Variants in RGS6 observed in about 807,000 individuals in gnomAD.
RGS6 encodes the protein regulator of G-protein signaling 6.
A neutral mutation model predicts 78.5 loss-of-function variants in RGS6; 30 were observed. That is an observed-to-expected ratio of 0.38 (90% CI 0.29 to 0.52). RGS6 has a LOEUF of 0.52. RGS6 is among the 20% of genes least tolerant of loss of function. The pLI is 0.85. For missense variants in RGS6, 495 were observed against 609.7 expected, an observed-to-expected ratio of 0.81 and a Z score of 1.98; for synonymous variants, 206 against 206.0, an observed-to-expected ratio of 1.00 and a Z score of 0.00.
At chr14:72,395,867 CT>C (rs1461335999) in intron 3 of RGS6, among the ~76,000 whole-genome samples, 2 of 151,976 alleles carry the variant, frequency 1.3e-5, no homozygotes, top group Non-Finnish European at 2.9e-5. Context: ...TGAACTCATC[CT>C]TTTTTATGGC....
At chr14:72,465,669 G>T (rs569350454) in intron 6 of RGS6, 89 bp from the exon 7 acceptor site, 234 of 894,880 alleles carry the variant, frequency 2.6e-4, no homozygotes, top group Non-Finnish European at 3.7e-4. Context: ...TGGGTGAATG[G>T]GTGAATGGAT....
At chr14:72,508,902 C>T (rs1487604986) in intron 13 of RGS6, among the ~76,000 whole-genome samples, 2 of 151,990 alleles carry the variant, frequency 1.3e-5, no homozygotes, top group Admixed American at 6.6e-5. Flanking sequence ...AGGACCTTAT[C>T]ACTGTTTAAA....
the RGS6 span, among the ~76,000 whole-genome samples, chr14:72,589,886 A>G: frequency 6.6e-6 from 1 of 152,118 alleles, no homozygotes; most frequent in Admixed American, 6.5e-5. Flanking sequence ...GGGTTCAAAA[A>G]CACACAAAGG....
chr14:72,071,748 C>T (rs1444025986), intron 2 of RGS6, among the ~76,000 whole-genome samples: 1 of 152,162 alleles, frequency 6.6e-6, no homozygotes, highest in Non-Finnish European at 1.5e-5. Flanking sequence ...TTAGCCATGG[C>T]AACATATATA....
intron 13 of RGS6, among the ~76,000 whole-genome samples, chr14:72,496,382 C>T (rs1598346527): frequency 6.6e-6 from 1 of 152,190 alleles, no homozygotes; most frequent in South Asian, 2.1e-4. Flanking sequence ...CATTAGAGCA[C>T]GTTACATCCC....
At chr14:72,280,598 G>C (rs1304397754) in intron 2 of RGS6, among the ~76,000 whole-genome samples, 2 of 152,206 alleles carry the variant, frequency 1.3e-5, no homozygotes, top group Non-Finnish European at 2.9e-5. Flanking sequence ...CCCGGCACTA[G>C]GGACACAGAA....
intron 2 of RGS6, among the ~76,000 whole-genome samples, chr14:71,988,710 C>T (rs571680146): frequency 1.9e-4 from 29 of 152,208 alleles, no homozygotes; most frequent in East Asian, 7.7e-4. Context: ...GAAAAAGCAT[C>T]GGCAAATGTC....
chr14:72,057,297 GA>G (rs1266657793), intron 2 of RGS6, among the ~76,000 whole-genome samples: 1 of 119,918 alleles, frequency 8.3e-6, no homozygotes, highest in African/African-American at 3.3e-5. Flanking sequence ...CTGAGTGACA[GA>G]GTGAGACTCT....
At chr14:72,313,276 T>C (rs2152471580) in intron 2 of RGS6, among the ~76,000 whole-genome samples, 1 of 152,326 alleles carries the variant, frequency 6.6e-6, no homozygotes, top group Middle Eastern at 3.4e-3. Context: ...TCAAGCATAT[T>C]AAGCACTTCA....
At chr14:72,220,168 C>G (rs962368136) in intron 2 of RGS6, among the ~76,000 whole-genome samples, 6 of 152,176 alleles carry the variant, frequency 3.9e-5, no homozygotes, top group East Asian at 1.9e-4. Context: ...AGGAATACAG[C>G]TAACCAAGGA....
At chr14:72,358,500 G>A (rs1336034266) in intron 3 of RGS6, among the ~76,000 whole-genome samples, 1 of 152,228 alleles carries the variant, frequency 6.6e-6, no homozygotes, top group African/African-American at 2.4e-5. Flanking sequence ...AGCATAACAT[G>A]GGTGTGAGAC....
intron 3 of RGS6, among the ~76,000 whole-genome samples, chr14:72,385,556 A>C (rs928908072): frequency 6.6e-6 from 1 of 152,214 alleles, no homozygotes; most frequent in Non-Finnish European, 1.5e-5. Context: ...TTTCTTCTTT[A>C]AAATTCCAGC....
chr14:71,918,337 T>C, the RGS6 span, among the ~76,000 whole-genome samples: 824 of 152,214 alleles, frequency 5.4e-3, 8 homozygotes, highest in African/African-American at 0.019. Context: ...TTCTCATAGT[T>C]AACCATCATA....
At chr14:72,013,417 A>G (rs895475572) in intron 2 of RGS6, among the ~76,000 whole-genome samples, 1 of 152,172 alleles carries the variant, frequency 6.6e-6, no homozygotes, top group African/African-American at 2.4e-5. Context: ...CTATCTCAAC[A>G]TATGGTAGTT....
chr14:72,393,801 CAG>C lies in RGS6; in HGVS notation c.184+41611_184+41612del, dbSNP rs562325021. Among the ~76,000 whole-genome samples, 10 of 152,196 alleles carry C rather than the reference CAG, an allele frequency of 6.6e-5. No homozygotes were observed. The South Asian group carries it at 2.1e-3, about 32-fold the overall frequency. On this transcript the variant is annotated intron_variant, in intron 3 of 17. Transcript: ENST00000553525. ...AGTTTACCTTGCCCATAGTGTGAGA[CAG>C]AGAAGGAAAATAGACGAGTCTCAGA...
the RGS6 span, among the ~76,000 whole-genome samples, chr14:72,578,864 A>G: frequency 5.1e-4 from 77 of 152,338 alleles, no homozygotes; most frequent in Non-Finnish European, 9.7e-4. Flanking sequence ...GGGGTCTTTC[A>G]GGGAAAGGAA....
At chr14:72,481,706 C>CTGTT (rs1466286634) in intron 12 of RGS6, among the ~76,000 whole-genome samples, 7 of 152,092 alleles carry the variant, frequency 4.6e-5, no homozygotes, top group Admixed American at 6.5e-5. Context: ...GCTTTCTGAG[C>CTGTT]TGTTACCCAA....
chr14:72,608,735 C>G, the RGS6 span, among the ~76,000 whole-genome samples: 2 of 152,204 alleles, frequency 1.3e-5, no homozygotes, highest in Non-Finnish European at 2.9e-5. Context: ...AAAGCTGTCA[C>G]GGTGACTGTG....
intron 2 of RGS6, among the ~76,000 whole-genome samples, chr14:72,324,638 G>A (rs1478320206): frequency 3.3e-5 from 5 of 152,066 alleles, no homozygotes; most frequent in Admixed American, 3.3e-4. Context: ...AGTTTGCTGA[G>A]AATGATGGTT....
Sources: allele counts gnomAD v4.1 joint callset (sites outside exome capture counted in the v4.1 genomes callset), GRCh38; gene constraint gnomAD v4.1.1; transcripts MANE v1.5; gene names NCBI Gene and HGNC (gene_info 2026-07-23, HGNC 2026-07-21).